CXADR: variants seen among roughly 807,000 people sequenced by gnomAD.
The protein encoded by CXADR is CXADR cell adhesion molecule.
Under a neutral mutation model 40.3 loss-of-function variants are expected in CXADR, and 20 were observed. The ratio of observed to expected loss-of-function variants is 0.50; its 90% CI spans 0.35 to 0.72. The LOEUF is 0.72. Among genes scored for constraint, CXADR ranks in the 30% least tolerant of loss-of-function variants. The pLI, the probability that CXADR is intolerant of heterozygous loss-of-function variation, is 0.01. For synonymous variants in CXADR, 150 were observed against 161.3 expected (o/e 0.93, Z 0.53); for missense variants, 332 against 449.1 (o/e 0.74, Z 2.36).
chr21:17,547,434 G>A (rs2824344), intron 2 of CXADR, among the ~76,000 whole-genome samples: 5,684 of 152,258 alleles, frequency 0.037, 350 homozygotes, highest in African/African-American at 0.13. Context: ...GATCACTGGA[G>A]TTCTTAGAGA....
intron 7 of CXADR, among the ~76,000 whole-genome samples, chr21:17,591,738 G>A (rs1158867170): frequency 6.6e-6 from 1 of 151,802 alleles, no homozygotes; most frequent in Non-Finnish European, 1.5e-5. Context: ...GAAATAGCCC[G>A]ATAAGGCTTT....
Position 17,542,918 on chromosome 21 carries a change from G to A in CXADR, c.44-4109G>A, listed in dbSNP as rs115400405. 8.7e-3 allele frequency: 1,771 copies of A among 202,440 alleles called. 36 individuals are homozygous for A. Among genetic ancestry groups the A allele is most frequent in the African/African-American group, 0.039 (1,651 of 42,314 alleles). The allele number at this position is 202,440 out of a possible 1,614,324, so 12.5% of individuals were successfully genotyped here. A position where few individuals can be genotyped will look rare whatever the true frequency, so the allele number is the denominator to read the frequency against. On this transcript the variant is annotated intron_variant, in intron 1 of 6. Coordinates refer to ENST00000284878, the MANE Select transcript of CXADR (RefSeq NM_001338.5). Reference sequence around the variant, plus strand: ...GTCTTATGTAATTTGTGTCTGTTGCGTACTTCAGCACTTGAAAAACTATTC... The same window carrying A: ...GTCTTATGTAATTTGTGTCTGTTGCATACTTCAGCACTTGAAAAACTATTC...
At chr21:17,610,671 G>T in the CXADR span, among the ~76,000 whole-genome samples, 1 of 152,158 alleles carries the variant, frequency 6.6e-6, no homozygotes, top group African/African-American at 2.4e-5. Context: ...CTGTAACCTG[G>T]AGTTATTAAG....
chr21:17,631,628 C>T, the CXADR span, among the ~76,000 whole-genome samples: 1 of 152,100 alleles, frequency 6.6e-6, no homozygotes, highest in African/African-American at 2.4e-5. Context: ...TCAAACATAC[C>T]AAATATTCGT....
chr21:17,605,570 A>G, the CXADR span, among the ~76,000 whole-genome samples: 1 of 152,300 alleles, frequency 6.6e-6, no homozygotes, highest in African/African-American at 2.4e-5. Flanking sequence ...CCTAACTAAC[A>G]TGTTATTGGC....
At chr21:17,514,353 A>C (rs933664174) in intron 1 of CXADR, among the ~76,000 whole-genome samples, 45 of 152,216 alleles carry the variant, frequency 3.0e-4, no homozygotes, top group African/African-American at 9.1e-4. Flanking sequence ...TAGCAAGTCT[A>C]ATCTTCGATC....
chr21:17,536,233 T>C (rs1430176537), intron 1 of CXADR, among the ~76,000 whole-genome samples: 1 of 152,234 alleles, frequency 6.6e-6, no homozygotes, highest in Non-Finnish European at 1.5e-5. Context: ...TTTCTTAACA[T>C]ACTTCTTTTA....
intron 1 of CXADR, among the ~76,000 whole-genome samples, chr21:17,534,858 C>T (rs1212280940): frequency 2.1e-5 from 3 of 143,334 alleles, no homozygotes; most frequent in Non-Finnish European, 4.5e-5. Context: ...AATCTTGGCT[C>T]ACTGCAGCCC....
the CXADR span, chr21:17,598,946 A>C: frequency 5.3e-5 from 39 of 733,250 alleles, no homozygotes; most frequent in Non-Finnish European, 7.7e-5. Flanking sequence ...TCATCACAGA[A>C]CTTGACCCTA....
At chr21:17,578,056 C>T (rs1601052138) in intron 7 of CXADR, among the ~76,000 whole-genome samples, 1 of 152,164 alleles carries the variant, frequency 6.6e-6, no homozygotes, top group South Asian at 2.1e-4. Context: ...TAGGTTGTTT[C>T]CACATCTTGA....
chr21:17,536,429 G>A (rs895943304), intron 1 of CXADR, among the ~76,000 whole-genome samples: 3 of 152,132 alleles, frequency 2.0e-5, no homozygotes, highest in Non-Finnish European at 4.4e-5. Flanking sequence ...TGGATGCACA[G>A]TCACCCCAGG....
chr21:17,596,144 C>T (rs1569172646), downstream of CXADR, among the ~76,000 whole-genome samples: 1 of 151,814 alleles, frequency 6.6e-6, no homozygotes, highest in African/African-American at 2.4e-5. Flanking sequence ...TTACCTTTTA[C>T]TAGTGATTTG....
downstream of CXADR, among the ~76,000 whole-genome samples, chr21:17,598,418 G>A (rs539732518): frequency 6.6e-5 from 10 of 152,220 alleles, no homozygotes; most frequent in African/African-American, 2.4e-4. Context: ...TTATTGTATA[G>A]TGAAGCTGAC....
intron 2 of CXADR, among the ~76,000 whole-genome samples, chr21:17,548,986 T>C (rs2060933391): frequency 6.6e-6 from 1 of 152,206 alleles, no homozygotes; most frequent in South Asian, 2.1e-4. Context: ...ACAGAGCCCC[T>C]ATTTTAATAT....
intron 3 of CXADR, among the ~76,000 whole-genome samples, chr21:17,556,837 A>G (rs2061042232): frequency 6.6e-6 from 1 of 152,234 alleles, no homozygotes; most frequent in South Asian, 2.1e-4. Context: ...GGAGTTACTA[A>G]GAAAGAGTAA....
At chr21:17,635,706 ACC>A in the CXADR span, among the ~76,000 whole-genome samples, 1 of 152,206 alleles carries the variant, frequency 6.6e-6, no homozygotes, top group African/African-American at 2.4e-5. Flanking sequence ...TTTTAAGAAA[ACC>A]ACACACACAC....
the CXADR span, among the ~76,000 whole-genome samples, chr21:17,629,803 C>A: frequency 1.3e-5 from 2 of 148,902 alleles, no homozygotes; most frequent in African/African-American, 5.0e-5. Context: ...GAGACCCTGG[C>A]GCTATAAACA....
downstream of CXADR, among the ~76,000 whole-genome samples, chr21:17,572,702 T>G (rs903928708): frequency 5.9e-5 from 9 of 152,088 alleles, 2 homozygotes; most frequent in Admixed American, 5.9e-4. Context: ...AGGCACTAAC[T>G]AACGTTGTTT....
chr21:17,570,204 C>T (rs1048366686), downstream of CXADR: 79 of 983,188 alleles, frequency 8.0e-5, no homozygotes, highest in East Asian at 2.3e-4. Context: ...TCCTTCCCCC[C>T]GTGTATCCTC....
Sources: gnomAD v4.1 joint callset for allele counts (sites outside exome capture counted in the v4.1 genomes callset) on GRCh38, gnomAD v4.1.1 for gene constraint, MANE v1.5 for transcripts, NCBI Gene and HGNC (gene_info 2026-07-23, HGNC 2026-07-21) for gene names.